CADM2: variants seen among roughly 807,000 people sequenced by gnomAD.
CADM2 encodes the protein immunoglobulin superfamily member 4D.
CADM2 carries 12 observed loss-of-function variants against 49.8 expected under a neutral mutation model. That is an observed-to-expected ratio of 0.24 (90% CI 0.15 to 0.39). CADM2 has a LOEUF of 0.39. CADM2 is among the 10% of genes least tolerant of loss of function. The pLI is 1.00. For synonymous variants in CADM2, 214 were observed against 175.4 expected (o/e 1.22, Z -1.74); for missense variants, 378 against 492.3 (o/e 0.77, Z 2.20).
At chr3:86,017,338 A>G (rs1221459350) in intron 8 of CADM2, among the ~76,000 whole-genome samples, 1 of 152,046 alleles carries the variant, frequency 6.6e-6, no homozygotes, top group Admixed American at 6.6e-5. Flanking sequence ...TGTTTTACTA[A>G]TTATTTACAC....
chr3:85,094,202 G>T (rs2037707230), intron 1 of CADM2, among the ~76,000 whole-genome samples: 1 of 152,050 alleles, frequency 6.6e-6, no homozygotes, highest in Non-Finnish European at 1.5e-5. Context: ...AAACAAACAT[G>T]TATTTGAAAA....
chr3:85,487,394 T>C (rs1252211597), intron 1 of CADM2, among the ~76,000 whole-genome samples: 1 of 152,008 alleles, frequency 6.6e-6, no homozygotes, highest in African/African-American at 2.4e-5. Flanking sequence ...GACATGGTGG[T>C]GTGTCGTGTG....
In CADM2 at chr3:85,917,803, C is replaced by T. The variant is rs371018017; in HGVS notation, c.700+5260C>T. 6.6e-5 allele frequency among the ~76,000 whole-genome samples: 10 copies of T among 152,134 alleles called. No individual in the cohort carries two copies. In the East Asian group the frequency reaches 9.7e-4, roughly 15 times the overall value. On this transcript the variant is annotated intron_variant, in intron 6 of 9. Coordinates refer to ENST00000383699, the MANE Select transcript of CADM2 (RefSeq NM_001167675.2). ...TATTGATTCTTCCTGTTTATGAGCA[C>T]GGAGTGTTCTTCCATTTGTTTGTGT...
chr3:85,199,369 A>AGAGAGAG (rs1559716313), intron 1 of CADM2, among the ~76,000 whole-genome samples: 1 of 91,968 alleles, frequency 1.1e-5, no homozygotes, highest in African/African-American at 3.7e-5. Context: ...GTGTGTGTGT[A>AGAGAGAG]TGAGAGAGAG....
At chr3:86,038,848 G>A (rs941907487) in intron 8 of CADM2, among the ~76,000 whole-genome samples, 1 of 152,150 alleles carries the variant, frequency 6.6e-6, no homozygotes. Context: ...GGAATGTACT[G>A]TAAGTAGGTT....
At chr3:85,661,728 G>C (rs1311620658) in intron 1 of CADM2, among the ~76,000 whole-genome samples, 1 of 151,920 alleles carries the variant, frequency 6.6e-6, no homozygotes, top group Non-Finnish European at 1.5e-5. Context: ...CAGATGAAGA[G>C]AATTTTAATG....
intron 1 of CADM2, among the ~76,000 whole-genome samples, chr3:85,271,133 T>TA (rs1276658323): frequency 6.6e-6 from 1 of 151,432 alleles, no homozygotes; most frequent in African/African-American, 2.4e-5. Flanking sequence ...GATGAACGAT[T>TA]AGCAGTTGAT....
chr3:85,551,062 A>T (rs1449406), intron 1 of CADM2, among the ~76,000 whole-genome samples: 4 of 151,856 alleles, frequency 2.6e-5, no homozygotes, highest in Admixed American at 2.6e-4. Flanking sequence ...TGGCTCACTG[A>T]GACCTCTACC....
chr3:85,393,756 G>T (rs1252153109), intron 1 of CADM2, among the ~76,000 whole-genome samples: 3 of 150,820 alleles, frequency 2.0e-5, no homozygotes, highest in East Asian at 3.9e-4. Context: ...TCTCCATTAA[G>T]ATTTTTTTTA....
At chr3:85,152,473 T>G (rs1358835964) in intron 1 of CADM2, among the ~76,000 whole-genome samples, 1 of 152,186 alleles carries the variant, frequency 6.6e-6, no homozygotes, top group East Asian at 1.9e-4. Flanking sequence ...TTGAAACGCT[T>G]CATCCCATTC....
At chr3:85,760,526 A>C (rs1313732526) in intron 2 of CADM2, among the ~76,000 whole-genome samples, 1 of 152,164 alleles carries the variant, frequency 6.6e-6, no homozygotes, top group Non-Finnish European at 1.5e-5. Context: ...TAGCACCTTA[A>C]CATAGTTCTA....
intron 1 of CADM2, among the ~76,000 whole-genome samples, chr3:85,389,989 C>T (rs2034440894): frequency 6.6e-6 from 1 of 151,890 alleles, no homozygotes; most frequent in South Asian, 2.1e-4. Flanking sequence ...AGTCAGCATC[C>T]TAATTTCATG....
intron 8 of CADM2, among the ~76,000 whole-genome samples, chr3:86,051,962 A>G (rs1737391987): frequency 7.4e-6 from 1 of 134,770 alleles, no homozygotes. Flanking sequence ...CATATCAGTG[A>G]CTTTCAAAAA....
intron 8 of CADM2, among the ~76,000 whole-genome samples, chr3:85,963,503 A>T (rs1202312937): frequency 1.8e-4 from 28 of 151,898 alleles, no homozygotes; most frequent in Admixed American, 1.8e-3. Flanking sequence ...AGGAAAGTGT[A>T]GTCTATCTGA....
chr3:85,873,460 A>G (rs1037351738), intron 3 of CADM2, among the ~76,000 whole-genome samples: 7 of 152,130 alleles, frequency 4.6e-5, no homozygotes, highest in African/African-American at 1.4e-4. Flanking sequence ...AAGGTCAGGA[A>G]TTTAAGACCA....
intron 1 of CADM2, among the ~76,000 whole-genome samples, chr3:85,058,128 A>G (rs555065744): frequency 9.2e-5 from 14 of 152,312 alleles, no homozygotes; most frequent in African/African-American, 2.6e-4. Context: ...ACATGTATGT[A>G]AACTATGGGA....
chr3:85,185,363 G>A (rs553045189), intron 1 of CADM2, among the ~76,000 whole-genome samples: 11 of 151,924 alleles, frequency 7.2e-5, no homozygotes, highest in African/African-American at 2.7e-4. Context: ...ATTGGAAATA[G>A]GAACATATGT....
chr3:85,321,135 T>C (rs1268826389), intron 1 of CADM2, among the ~76,000 whole-genome samples: 1 of 20,920 alleles, frequency 4.8e-5, no homozygotes, highest in African/African-American at 2.8e-4. Context: ...TTTTTTTTTT[T>C]TTTTTTTTTT....
At chr3:85,586,689 T>G (rs1000210353) in intron 1 of CADM2, among the ~76,000 whole-genome samples, 1 of 152,138 alleles carries the variant, frequency 6.6e-6, no homozygotes. Flanking sequence ...CTGTGGTTTT[T>G]ACCATTCCTT....
Sources: allele counts gnomAD v4.1 joint callset (sites outside exome capture counted in the v4.1 genomes callset), GRCh38; gene constraint gnomAD v4.1.1; transcripts MANE v1.5; gene names NCBI Gene and HGNC (gene_info 2026-07-23, HGNC 2026-07-21).